The following SYNPR variants were observed in gnomAD, a reference collection of about 807,000 sequenced individuals.
SYNPR encodes the protein synaptoporin.
SYNPR carries 23 observed loss-of-function variants against 32.9 expected under a neutral mutation model. The ratio of observed to expected loss-of-function variants is 0.70; its 90% confidence interval spans 0.50 to 0.99. SYNPR has a LOEUF of 0.99. Ranked by LOEUF, SYNPR falls within the 50% of genes least tolerant of loss-of-function variation. The pLI is 0.00. For missense variants in SYNPR, 318 were observed against 349.3 expected (o/e 0.91, Z 0.71); for synonymous variants, 146 against 135.9 (o/e 1.07, Z -0.52).
chr3:63,449,734 A>G (rs762023230), intron 2 of SYNPR, among the ~76,000 whole-genome samples: 1 of 152,232 alleles, frequency 6.6e-6, no homozygotes, highest in African/African-American at 2.4e-5. Flanking sequence ...GCCAACAAAG[A>G]CAAGTAAGGC....
chr3:63,283,353 T>C (rs1413365758), intron 2 of SYNPR, among the ~76,000 whole-genome samples: 1 of 87,744 alleles, frequency 1.1e-5, no homozygotes, highest in Non-Finnish European at 2.7e-5. Context: ...TTTAGCCAAT[T>C]TCAAGACTTG....
chr3:63,350,213 T>TACACACACAC (rs67609911), intron 2 of SYNPR, among the ~76,000 whole-genome samples: 3 of 144,732 alleles, frequency 2.1e-5, no homozygotes, highest in East Asian at 2.0e-4. Context: ...AATATTATTC[T>TACACACACAC]ACACACACAC....
intron 4 of SYNPR, among the ~76,000 whole-genome samples, chr3:63,603,763 T>C (rs1437300231): frequency 6.6e-6 from 1 of 152,160 alleles, no homozygotes; most frequent in Non-Finnish European, 1.5e-5. Context: ...TTGTTGAGGA[T>C]TTTTACATCT....
intron 2 of SYNPR, among the ~76,000 whole-genome samples, chr3:63,352,044 G>A (rs777055232): frequency 6.6e-6 from 1 of 152,232 alleles, no homozygotes; most frequent in South Asian, 2.1e-4. Context: ...GAAGAAGCCA[G>A]CCCTGTGAAG....
intron 2 of SYNPR, among the ~76,000 whole-genome samples, chr3:63,433,908 G>A (rs1357657147): frequency 1.3e-5 from 2 of 152,110 alleles, no homozygotes; most frequent in Admixed American, 6.6e-5. Context: ...TTAAAATAAT[G>A]CCCCAGATCC....
chr3:63,506,669 A>G lies in SYNPR; in HGVS notation c.209+25713A>G, dbSNP rs1227638363. 2.0e-5 allele frequency among the ~76,000 whole-genome samples: 3 copies of G among 152,214 alleles called. No individual in the cohort carries two copies. The East Asian group carries it at 5.8e-4, about 29-fold the overall frequency. ...TCATAGAAACTTTTCTTAAAGTGTTAAGATCTTTTAACGTCACACAATTAG... is the reference window on the plus strand; with the variant it reads ...TCATAGAAACTTTTCTTAAAGTGTTGAGATCTTTTAACGTCACACAATTAG... On this transcript the variant is annotated intron_variant, in intron 3 of 5. Transcript: ENST00000478300.
At chr3:63,371,538 C>T (rs567531716) in intron 2 of SYNPR, among the ~76,000 whole-genome samples, 52 of 152,366 alleles carry the variant, frequency 3.4e-4, no homozygotes, top group African/African-American at 8.4e-4. Flanking sequence ...TTCCCTGGGA[C>T]GGAGCTCCCA....
intron 2 of SYNPR, among the ~76,000 whole-genome samples, chr3:63,312,428 CCT>C (rs1034732228): frequency 1.3e-5 from 2 of 151,476 alleles, no homozygotes; most frequent in Non-Finnish European, 1.5e-5. Flanking sequence ...GCTCATGTTC[CCT>C]CTCTCTCTCT....
chr3:63,541,848 T>A (rs1416480006), intron 3 of SYNPR, among the ~76,000 whole-genome samples: 1 of 152,216 alleles, frequency 6.6e-6, no homozygotes, highest in East Asian at 1.9e-4. Flanking sequence ...TGTCCTGATA[T>A]AAAACAACTG....
chr3:63,323,020 A>G (rs1296666599), intron 2 of SYNPR, among the ~76,000 whole-genome samples: 1 of 152,062 alleles, frequency 6.6e-6, no homozygotes, highest in African/African-American at 2.4e-5. Context: ...TAAGAGTAGA[A>G]GATAAGACTT....
At chr3:63,443,410 C>T in intron 2 of SYNPR, 3 of 1,598,952 alleles carry the variant, frequency 1.9e-6, no homozygotes, top group Non-Finnish European at 2.6e-6. Context: ...TATTTTCTTT[C>T]AGGAGAGGGA....
chr3:63,461,461 T>C (rs1700583724), intron 2 of SYNPR, among the ~76,000 whole-genome samples: 1 of 152,128 alleles, frequency 6.6e-6, no homozygotes, highest in African/African-American at 2.4e-5. Flanking sequence ...TCTTACATCT[T>C]TGTCCTGGGC....
intron 2 of SYNPR, among the ~76,000 whole-genome samples, chr3:63,266,113 C>T (rs545638685): frequency 3.9e-5 from 6 of 152,270 alleles, no homozygotes; most frequent in Non-Finnish European, 8.8e-5. Context: ...AACTCCCAAT[C>T]CAAGTGAACA....
At chr3:63,500,547 A>G (rs1302923011) in intron 3 of SYNPR, among the ~76,000 whole-genome samples, 1 of 152,208 alleles carries the variant, frequency 6.6e-6, no homozygotes, top group East Asian at 1.9e-4. Context: ...TACTGAATAT[A>G]TGACAGTGCT....
At chr3:63,547,856 G>T (rs919556410) in intron 3 of SYNPR, among the ~76,000 whole-genome samples, 1 of 152,130 alleles carries the variant, frequency 6.6e-6, no homozygotes, top group African/African-American at 2.4e-5. Context: ...TAACTTAATA[G>T]TAATCACTTG....
intron 4 of SYNPR, among the ~76,000 whole-genome samples, chr3:63,577,735 G>A (rs1374486318): frequency 6.6e-6 from 1 of 152,140 alleles, no homozygotes; most frequent in African/African-American, 2.4e-5. Flanking sequence ...GGGCCTAATT[G>A]TAGTGCATGG....
intron 2 of SYNPR, among the ~76,000 whole-genome samples, chr3:63,285,845 C>T (rs184701272): frequency 1.3e-5 from 2 of 152,282 alleles, no homozygotes; most frequent in Admixed American, 6.5e-5. Context: ...CAAAGTGATG[C>T]TATCATGATT....
intron 2 of SYNPR, among the ~76,000 whole-genome samples, chr3:63,338,407 C>T (rs1201696125): frequency 2.6e-5 from 4 of 152,150 alleles, no homozygotes; most frequent in Non-Finnish European, 5.9e-5. Context: ...CTTTCTCGAT[C>T]ATCTTGTCTT....
At chr3:63,612,018 T>C (rs1223922714) in intron 5 of SYNPR, among the ~76,000 whole-genome samples, 3 of 152,216 alleles carry the variant, frequency 2.0e-5, no homozygotes, top group Non-Finnish European at 4.4e-5. Context: ...AGTCATATTC[T>C]CTACCTTGGT....
Sources: allele counts gnomAD v4.1 joint callset (sites outside exome capture counted in the v4.1 genomes callset), GRCh38; gene constraint gnomAD v4.1.1; transcripts MANE v1.5; gene names NCBI Gene and HGNC (gene_info 2026-07-23, HGNC 2026-07-21).